The following PCDH9 variants were observed in gnomAD, a reference collection of about 807,000 sequenced individuals.
The protein encoded by PCDH9 is protocadherin 9, also known as protocadherin-9.
In PCDH9, 24 loss-of-function variants were observed where a neutral mutation model predicts 70.6. The ratio of observed to expected loss-of-function variants is 0.34; its 90% CI spans 0.25 to 0.48. The LOEUF is 0.48. Ranked by LOEUF, PCDH9 falls within the 20% of genes least tolerant of loss-of-function variation. The pLI is 0.99. For synonymous variants in PCDH9, 562 were observed against 558.5 expected (o/e 1.01, Z -0.09); for missense variants, 1,281 against 1,503.6 (o/e 0.85, Z 2.45).
intron 4 of PCDH9, among the ~76,000 whole-genome samples, chr13:66,477,867 C>G (rs1045967705): frequency 6.6e-6 from 1 of 152,140 alleles, no homozygotes; most frequent in East Asian, 1.9e-4. Flanking sequence ...ACTCGTAATT[C>G]TCTTCAGGAT....
intron 4 of PCDH9, among the ~76,000 whole-genome samples, chr13:66,399,642 C>G (rs1957155440): frequency 6.6e-6 from 1 of 151,074 alleles, no homozygotes; most frequent in Non-Finnish European, 1.5e-5. Flanking sequence ...AAATTTCAAA[C>G]AGTCAAAACA....
intron 3 of PCDH9, among the ~76,000 whole-genome samples, chr13:66,895,066 C>T (rs1390563905): frequency 6.6e-6 from 1 of 152,046 alleles, no homozygotes; most frequent in East Asian, 1.9e-4. Context: ...CCTTGGCCTC[C>T]CAAAGTGCTG....
intron 2 of PCDH9, among the ~76,000 whole-genome samples, chr13:66,908,034 T>A (rs187757483): frequency 2.6e-5 from 4 of 152,218 alleles, no homozygotes; most frequent in Non-Finnish European, 4.4e-5. Context: ...ATTTGTTTAA[T>A]AATTCCAAAG....
intron 3 of PCDH9, among the ~76,000 whole-genome samples, chr13:66,846,385 T>C (rs1254818383): frequency 2.0e-5 from 3 of 152,190 alleles, no homozygotes; most frequent in African/African-American, 7.2e-5. Flanking sequence ...CGCTGACTGA[T>C]AGAATATATG....
At chr13:66,768,563 C>T (rs532777652) in intron 3 of PCDH9, among the ~76,000 whole-genome samples, 1 of 151,958 alleles carries the variant, frequency 6.6e-6, no homozygotes, top group Non-Finnish European at 1.5e-5. Context: ...TTTACTTATA[C>T]ATAAAACAAT....
rs1594498502 is a variant in PCDH9, at chr13:67,091,205, G to A, written c.3036+134200C>T. Among the ~76,000 whole-genome samples the A allele has an allele frequency of 2.0e-5, 3 of 152,122 alleles. No homozygotes were observed. In the East Asian group the frequency reaches 5.8e-4, roughly 29 times the overall value. On this transcript the variant is annotated intron_variant, in intron 2 of 4. Coordinates refer to ENST00000377865, the MANE Select transcript of PCDH9 (RefSeq NM_203487.3). Reference sequence around the variant, plus strand: ...TAAATGAGTTCTACATCCCTTTGGTGCAATGGAATTTAAAATCACATATGT... The same window carrying A: ...TAAATGAGTTCTACATCCCTTTGGTACAATGGAATTTAAAATCACATATGT...
chr13:67,154,611 CACACA>C (rs2087759847), intron 2 of PCDH9, among the ~76,000 whole-genome samples: 1 of 89,852 alleles, frequency 1.1e-5, no homozygotes, highest in Admixed American at 1.1e-4. Context: ...TATATACACA[CACACA>C]CACACACACA....
chr13:66,522,076 A>G (rs774821426), intron 4 of PCDH9, among the ~76,000 whole-genome samples: 17 of 148,862 alleles, frequency 1.1e-4, no homozygotes, highest in Non-Finnish European at 2.2e-4. Context: ...TTTTAAATAT[A>G]TATACATATA....
rs2082310401 is a variant in PCDH9, at chr13:66,903,509, A to G, written c.3133T>C (p.Tyr1045His). The G allele has an allele frequency of 7.0e-7, 1 of 1,430,876 alleles. No individual in the cohort carries two copies. The highest frequency in any genetic ancestry group is 9.9e-7 in the Non-Finnish European group (1 of 1,015,110). 88.6% of individuals were successfully genotyped at this position (1,430,876 alleles called of 1,614,324 possible). A position where few individuals can be genotyped will look rare whatever the true frequency, so the allele number is the denominator to read the frequency against. Reference protein sequence around the residue: ...FHIQENEESHYESQRRVTFHL... With the variant: ...FHIQENEESHHESQRRVTFHL... ...TCTATAGATATATGGCATACCTCGT[A>G]ATGGCTTTCTTCATTCTCCTGAATG... Residue 1045 changes from tyrosine to histidine, a missense_variant, in exon 3 of 5, where the codon TAC becomes CAC. By Grantham distance (83) the Tyr-to-His change is moderately conservative. This residue lies in a region of PCDH9 where 264 missense variants were observed against 278.8 expected (regional missense o/e 0.95). Transcript: ENST00000377865.
intron 2 of PCDH9, among the ~76,000 whole-genome samples, chr13:66,966,883 A>G (rs2083441756): frequency 6.6e-6 from 1 of 152,144 alleles, no homozygotes; most frequent in South Asian, 2.1e-4. Flanking sequence ...AGTTATTAGT[A>G]ACTTTGAATC....
chr13:66,428,842 T>C (rs1055505264), intron 4 of PCDH9, among the ~76,000 whole-genome samples: 1 of 151,784 alleles, frequency 6.6e-6, no homozygotes, highest in Admixed American at 6.6e-5. Context: ...GAAATTAAAG[T>C]ATATATTCAA....
chr13:66,544,600 T>C (rs998821719), intron 4 of PCDH9, among the ~76,000 whole-genome samples: 1 of 152,174 alleles, frequency 6.6e-6, no homozygotes, highest in Admixed American at 6.5e-5. Flanking sequence ...TAGCTACCTA[T>C]GGGCAGTAGA....
rs146545715 is a variant in PCDH9, at chr13:66,678,856, A to T, written c.3139-47445T>A. ...CACTTAGTACACTCTTAGTACACTT[A>T]GTATGTTCTTTTGCAAGAAAGAAGG... On this transcript the variant is annotated intron_variant, in intron 3 of 4. Coordinates refer to ENST00000377865, the MANE Select transcript of PCDH9 (RefSeq NM_203487.3). Among the ~76,000 whole-genome samples, 346 of 152,014 alleles carry T rather than the reference A, an allele frequency of 2.3e-3. 1 individual carries two copies. The highest frequency in any genetic ancestry group is 8.2e-3 in the African/African-American group (340 of 41,538).
intron 1 of PCDH9, among the ~76,000 whole-genome samples, chr13:67,228,879 C>T (rs1157382526): frequency 2.0e-5 from 3 of 152,164 alleles, no homozygotes; most frequent in African/African-American, 7.2e-5. Flanking sequence ...CTTCCCCTCC[C>T]CCTGTCTCAC....
chr13:66,778,412 G>T (rs1212769967), intron 3 of PCDH9, among the ~76,000 whole-genome samples: 7 of 152,066 alleles, frequency 4.6e-5, no homozygotes, highest in Non-Finnish European at 1.0e-4. Flanking sequence ...GCTTCTCATT[G>T]TAGCTCATGA....
At chr13:66,992,066 A>T (rs1311316484) in intron 2 of PCDH9, among the ~76,000 whole-genome samples, 2 of 152,098 alleles carry the variant, frequency 1.3e-5, no homozygotes, top group Non-Finnish European at 2.9e-5. Flanking sequence ...AGTTTCATAT[A>T]CTCCAGATTT....
chr13:66,430,554 A>G (rs2138373934), intron 4 of PCDH9, among the ~76,000 whole-genome samples: 1 of 152,190 alleles, frequency 6.6e-6, no homozygotes, highest in East Asian at 1.9e-4. Context: ...TGTACCAAGT[A>G]GCAACCAGGT....
chr13:66,562,542 C>A (rs1031796219), intron 4 of PCDH9, among the ~76,000 whole-genome samples: 2 of 152,142 alleles, frequency 1.3e-5, no homozygotes, highest in African/African-American at 4.8e-5. Context: ...TGGTAGCAGG[C>A]AAGAGAGCAT....
intron 4 of PCDH9, among the ~76,000 whole-genome samples, chr13:66,489,869 C>A (rs1959004974): frequency 1.3e-5 from 2 of 152,190 alleles, no homozygotes; most frequent in African/African-American, 2.4e-5. Context: ...GTTCAGACTT[C>A]ATTGTCCTCA....
Sources: allele counts gnomAD v4.1 joint callset (sites outside exome capture counted in the v4.1 genomes callset), GRCh38; gene constraint gnomAD v4.1.1; regional missense constraint gnomAD v4.1.1; transcripts MANE v1.5; gene names NCBI Gene and HGNC (gene_info 2026-07-23, HGNC 2026-07-21).